Variants in FHIT observed in about 807,000 individuals in gnomAD.
FHIT encodes fragile histidine triad diadenosine triphosphatase.
Under a neutral mutation model 17.9 loss-of-function variants are expected in FHIT, and 19 were observed. That is an observed-to-expected ratio of 1.06 (90% CI 0.74 to 1.56). The LOEUF (loss-of-function observed/expected upper bound fraction) is 1.56. Ranked by LOEUF, FHIT falls within the 40% of genes most tolerant of loss-of-function variation. FHIT has a pLI of 0.00. For synonymous variants in FHIT, 81 were observed against 69.7 expected, an observed-to-expected ratio of 1.16 and a Z score of -0.81; for missense variants, 248 against 189.2, an observed-to-expected ratio of 1.31 and a Z score of -1.82.
At chr3:60,575,698 T>A (rs534608247) in intron 4 of FHIT, among the ~76,000 whole-genome samples, 2 of 152,142 alleles carry the variant, frequency 1.3e-5, no homozygotes, top group African/African-American at 4.8e-5. Flanking sequence ...CTTGGAGAGA[T>A]GCAAGAACAT....
chr3:60,178,604 G>A (rs1328315530), intron 5 of FHIT, among the ~76,000 whole-genome samples: 1 of 151,870 alleles, frequency 6.6e-6, no homozygotes, highest in Non-Finnish European at 1.5e-5. Context: ...GGGGGAGGGA[G>A]AAAGAAAAAG....
chr3:60,430,715 C>T (rs545111885), intron 5 of FHIT, among the ~76,000 whole-genome samples: 1 of 152,204 alleles, frequency 6.6e-6, no homozygotes, highest in Non-Finnish European at 1.5e-5. Flanking sequence ...CAGTCACCAA[C>T]TTCTTGATGA....
intron 5 of FHIT, among the ~76,000 whole-genome samples, chr3:60,369,339 T>C (rs181291509): frequency 6.6e-6 from 1 of 152,322 alleles, no homozygotes; most frequent in African/African-American, 2.4e-5. Flanking sequence ...ATTCTTCATC[T>C]GTTCTTGAAC....
chr3:60,919,684 A>C (rs1707180034), intron 3 of FHIT, among the ~76,000 whole-genome samples: 1 of 152,222 alleles, frequency 6.6e-6, no homozygotes, highest in Non-Finnish European at 1.5e-5. Context: ...TCAAATACTT[A>C]CCAGGTCTTC....
At chr3:59,758,479 G>T (rs1013244186) in intron 8 of FHIT, among the ~76,000 whole-genome samples, 1 of 152,154 alleles carries the variant, frequency 6.6e-6, no homozygotes, top group African/African-American at 2.4e-5. Context: ...CAAATGCAAA[G>T]CTGCAAACAG....
chr3:60,608,824 T>C (rs1215287151), intron 4 of FHIT, among the ~76,000 whole-genome samples: 1 of 152,180 alleles, frequency 6.6e-6, no homozygotes, highest in African/African-American at 2.4e-5. Context: ...TATCAGGAAA[T>C]AACTATCTTG....
At chr3:60,615,547 G>C (rs1465277190) in intron 4 of FHIT, among the ~76,000 whole-genome samples, 1 of 152,218 alleles carries the variant, frequency 6.6e-6, no homozygotes, top group Non-Finnish European at 1.5e-5. Flanking sequence ...TCAGAGCAAA[G>C]TGATGGTCCA....
At chr3:60,213,058 C>T (rs767311510) in intron 5 of FHIT, among the ~76,000 whole-genome samples, 1 of 152,108 alleles carries the variant, frequency 6.6e-6, no homozygotes, top group Non-Finnish European at 1.5e-5. Flanking sequence ...TTTATGGTAG[C>T]TTCATTGGTT....
chr3:59,816,140 G>C (rs1490571621), intron 8 of FHIT, among the ~76,000 whole-genome samples: 1 of 152,202 alleles, frequency 6.6e-6, no homozygotes, highest in African/African-American at 2.4e-5. Flanking sequence ...TGACAGCCAA[G>C]ACTGAATAAC....
At chr3:59,937,514 G>A (rs909730614) in intron 7 of FHIT, among the ~76,000 whole-genome samples, 4 of 152,160 alleles carry the variant, frequency 2.6e-5, no homozygotes, top group Admixed American at 6.6e-5. Flanking sequence ...TTTCTTTAGT[G>A]TGAATAAATA....
rs969412426 is a variant in FHIT at position 60,133,473 on chromosome 3, C to T, written c.104-119321G>A. Among the ~76,000 whole-genome samples, 4 of 152,154 alleles carry T rather than the reference C, an allele frequency of 2.6e-5. No individual in the cohort carries two copies. In the East Asian group the frequency reaches 7.7e-4, roughly 29 times the overall value. ...CTTCTACTCTAGAGGGAGAGATCTG[C>T]AAAGGGTATGGCTCAGCATCTTGTC... On this transcript the variant is annotated intron_variant, in intron 5 of 9. Transcript: ENST00000492590.
At position 60,880,766 on chromosome 3, in the gene FHIT, C is replaced by G. The variant is rs1171764192; in HGVS notation, c.-110-58755G>C. ...CAACAACAACAACAACAACAACAAACTCACTAGTAGAGCAGATACACAGAA... is the reference window on the plus strand; with the variant it reads ...CAACAACAACAACAACAACAACAAAGTCACTAGTAGAGCAGATACACAGAA... On this transcript the variant is annotated intron_variant, in intron 3 of 9. Coordinates refer to ENST00000492590, the MANE Select transcript of FHIT (RefSeq NM_002012.4). 4.0e-5 allele frequency among the ~76,000 whole-genome samples: 6 copies of G among 151,336 alleles called. No homozygotes were observed. In the East Asian group the frequency reaches 1.2e-3, roughly 30 times the overall value.
At chr3:60,689,728 T>A (rs181563195) in intron 4 of FHIT, among the ~76,000 whole-genome samples, 29 of 152,298 alleles carry the variant, frequency 1.9e-4, no homozygotes, top group Middle Eastern at 3.4e-3. Flanking sequence ...AATATTTGAG[T>A]CTACCCCTAG....
chr3:59,769,125 G>A (rs1701948516), intron 8 of FHIT, among the ~76,000 whole-genome samples: 2 of 152,202 alleles, frequency 1.3e-5, no homozygotes, highest in South Asian at 4.1e-4. Context: ...ATCCTACCCT[G>A]ATTTGTGACC....
At chr3:59,793,220 C>T (rs1026059214) in intron 8 of FHIT, among the ~76,000 whole-genome samples, 3 of 152,108 alleles carry the variant, frequency 2.0e-5, no homozygotes, top group African/African-American at 2.4e-5. Flanking sequence ...TCTGAGGACT[C>T]CAGGTAAGAA....
At chr3:60,452,267 C>T (rs1454154386) in intron 5 of FHIT, among the ~76,000 whole-genome samples, 2 of 152,134 alleles carry the variant, frequency 1.3e-5, no homozygotes, top group Non-Finnish European at 2.9e-5. Flanking sequence ...TAACCTACTT[C>T]CTGAGCACTG....
At chr3:60,387,530 C>G (rs1476115744) in intron 5 of FHIT, among the ~76,000 whole-genome samples, 1 of 152,138 alleles carries the variant, frequency 6.6e-6, no homozygotes, top group Non-Finnish European at 1.5e-5. Flanking sequence ...GGATTTAACA[C>G]AAGTCAAAAG....
intron 8 of FHIT, among the ~76,000 whole-genome samples, chr3:59,822,199 C>A (rs1019550435): frequency 1.3e-5 from 2 of 152,170 alleles, no homozygotes; most frequent in Non-Finnish European, 2.9e-5. Context: ...CACTTGTTGA[C>A]TGATGGGCAT....
chr3:60,819,922 T>C (rs1017120217), intron 4 of FHIT, among the ~76,000 whole-genome samples: 1 of 152,206 alleles, frequency 6.6e-6, no homozygotes, highest in Admixed American at 6.5e-5. Flanking sequence ...AAAACTTAAA[T>C]AGTCTACAGT....
Sources: allele counts gnomAD v4.1 joint callset (sites outside exome capture counted in the v4.1 genomes callset), GRCh38; gene constraint gnomAD v4.1.1; transcripts MANE v1.5; gene names NCBI Gene and HGNC (gene_info 2026-07-23, HGNC 2026-07-21).